PPP6R1: variants seen among roughly 807,000 people sequenced by gnomAD.
The protein encoded by PPP6R1 is serine/threonine-protein phosphatase 6 regulatory subunit 1.
A neutral mutation model predicts 104.6 loss-of-function variants in PPP6R1; 39 were observed. That is an observed-to-expected ratio of 0.37 (90% CI 0.29 to 0.49). The LOEUF is 0.49. PPP6R1 is among the 20% of genes least tolerant of loss of function. The pLI is 0.98. For missense variants in PPP6R1, 1,181 were observed against 1,155.8 expected (o/e 1.02, Z -0.32); for synonymous variants, 549 against 479.0 (o/e 1.15, Z -1.91).
At chr19:55,236,467 G>T in intron 17 of PPP6R1, 176 bp downstream of exon 17, 1 of 698,428 alleles carries the variant, frequency 1.4e-6, no homozygotes, top group Non-Finnish European at 2.2e-6. Flanking sequence ...ACCATGCTTG[G>T]CCTTGAATTA....
In PPP6R1 at chr19:55,232,072, C is replaced by T; in HGVS notation, c.2125+3G>A. On this transcript the variant is annotated splice_donor_region_variant and intron_variant, in intron 18 of 23. Transcript: ENST00000412770. ...CACCTGACCACACCGCCCATTCATT[C>T]ACCTGGAGGCTGAGGGCCAGGGCTG... The T allele has an allele frequency of 1.2e-6, 2 of 1,611,844 alleles. No homozygotes were observed. The highest frequency in any genetic ancestry group is 2.2e-5 in the East Asian group (1 of 44,820).
intron 1 of PPP6R1, among the ~76,000 whole-genome samples, chr19:55,247,834 A>C (rs2087523003): frequency 6.6e-6 from 1 of 152,204 alleles, no homozygotes. Flanking sequence ...AAAAGTTGGA[A>C]GGGAGGGGCT....
chr19:55,246,618 G>A (rs919858805), intron 2 of PPP6R1, among the ~76,000 whole-genome samples: 5 of 152,192 alleles, frequency 3.3e-5, no homozygotes, highest in African/African-American at 1.2e-4. Flanking sequence ...CAACTGAGGC[G>A]GGAGGATCAC....
Position 55,231,510 on chromosome 19 carries a change from C to G in PPP6R1, c.2378-19G>C. ...CAAGGGGCTGTGGGGGATAAGAGAT[C>G]TCAGCTGCAGCTCCCAGCAAGCTCG... On this transcript the variant is annotated intron_variant, in intron 20 of 23. Coordinates refer to ENST00000412770, the MANE Select transcript of PPP6R1 (RefSeq NM_014931.4). 1 of 1,601,500 alleles carries G rather than the reference C, an allele frequency of 6.2e-7. No individual in the cohort carries two copies. The highest frequency in any genetic ancestry group is 8.5e-7 in the Non-Finnish European group (1 of 1,173,626).
chr19:55,236,977 G>T lies in PPP6R1; in HGVS notation c.1752-7C>A. 6.2e-7 allele frequency: 1 copy of T among 1,608,150 alleles called. No homozygotes were observed. The highest frequency in any genetic ancestry group is 8.5e-7 in the Non-Finnish European group (1 of 1,174,598). ...TGTCTTGTCAAAAGGTGCGCTAGGA[G>T]AGAAGGCAAGGCATGGTGAGAAGGT... is the stretch of plus-strand genomic sequence containing the variant. On this transcript the variant is annotated splice_region_variant and splice_polypyrimidine_tract_variant and intron_variant, in intron 15 of 23. Transcript: ENST00000412770.
intron 1 of PPP6R1, among the ~76,000 whole-genome samples, chr19:55,255,125 C>T (rs1239366903): frequency 3.3e-5 from 5 of 152,198 alleles, no homozygotes; most frequent in African/African-American, 1.2e-4. Context: ...ACCCTCAGTG[C>T]CTCCCCCTCT....
At chr19:55,233,051 A>G (rs1351965138) in intron 17 of PPP6R1, 1 of 152,214 alleles carries the variant, frequency 6.6e-6, no homozygotes, top group African/African-American at 2.4e-5. Flanking sequence ...TAACAATGGT[A>G]AATGTTTGTG....
intron 17 of PPP6R1, among the ~76,000 whole-genome samples, chr19:55,234,239 G>A (rs1438401021): frequency 6.6e-6 from 1 of 152,088 alleles, no homozygotes; most frequent in East Asian, 1.9e-4. Flanking sequence ...GAGCCACCGT[G>A]CCCAACAAAC....
rs1302467516 is a variant in PPP6R1 at position 55,258,765 on chromosome 19, G to C, written c.-337C>G. ...GAGGCGGGTTGGCGAGCCGGGTCGCGAGGCCCACGCAGGCGCCTCAGCCGG... is the reference window on the plus strand; with the variant it reads ...GAGGCGGGTTGGCGAGCCGGGTCGCCAGGCCCACGCAGGCGCCTCAGCCGG... On this transcript the variant is annotated 5_prime_UTR_variant, in exon 1 of 24. Coordinates refer to ENST00000412770, the MANE Select transcript of PPP6R1 (RefSeq NM_014931.4). 1.3e-5 allele frequency: 2 copies of C among 152,080 alleles called. No homozygotes were observed. Among genetic ancestry groups the C allele is most frequent in the East Asian group, 1.9e-4 (1 of 5,150 alleles). The allele number at this position is 152,080 out of a possible 1,614,324, so 9.4% of individuals were successfully genotyped here.
In PPP6R1 at chr19:55,244,820, C is replaced by CTA. The variant is rs367941394; in HGVS notation, c.618+298_618+299dup. ...AGTGCAGTGGTGTGATCATGACTCACTATAGCCTTGACCTCCCGGCTCAAG... is the reference window on the plus strand; with the variant it reads ...AGTGCAGTGGTGTGATCATGACTCACTATATAGCCTTGACCTCCCGGCTCAAG... On this transcript the variant is annotated intron_variant, in intron 5 of 23. Transcript: ENST00000412770. 3.3e-3 allele frequency among the ~76,000 whole-genome samples: 504 copies of CTA among 151,958 alleles called. 3 individuals carry two copies. The highest frequency in any genetic ancestry group is 0.012 in the African/African-American group (485 of 41,414).
intron 1 of PPP6R1, among the ~76,000 whole-genome samples, chr19:55,247,687 G>C (rs1021022169): frequency 6.6e-6 from 1 of 152,208 alleles, no homozygotes; most frequent in Non-Finnish European, 1.5e-5. Context: ...GGCTACGTGG[G>C]AGGCATGGGG....
At position 55,230,593 on chromosome 19, in the gene PPP6R1, G is replaced by C. The variant is rs28678477; in HGVS notation, c.2642+20C>G. 760,514 of 1,611,806 alleles carry C rather than the reference G, an allele frequency of 0.47. 181,883 individuals are homozygous for C. The highest frequency in any genetic ancestry group is 0.58 in the African/African-American group (43,743 of 74,946). ...AGGCCCAGCCCCACCTACCCAGCCC[G>C]AGGCTGCAGCCACACTCACTGGGAG... On this transcript the variant is annotated intron_variant, in intron 23 of 23. Transcript: ENST00000412770.
Position 55,240,269 on chromosome 19 carries a change from A to G in PPP6R1, c.1328T>C (p.Ile443Thr). The G allele has an allele frequency of 6.3e-7, 1 of 1,595,042 alleles. No homozygotes were observed. The highest frequency in any genetic ancestry group is 1.7e-5 in the Admixed American group (1 of 57,738). The change falls in exon 11 of 24, where the codon ATC becomes ACC. Residue 443 changes from isoleucine (I) to threonine (T), a missense_variant. Physicochemically the swap from Ile to Thr is moderately conservative, Grantham distance 89. Around this residue, in one of 2 missense-constraint regions of PPP6R1, gnomAD observed 1,042 missense variants for 955.6 expected, o/e 1.09. Coordinates refer to ENST00000412770, the MANE Select transcript of PPP6R1 (RefSeq NM_014931.4). Reference protein sequence around the residue: ...LLQQCRLVERILTSWEENDRV... With the variant: ...LLQQCRLVERTLTSWEENDRV... The stretch of plus-strand genomic sequence containing the variant: ...GTCGTTCTCCTCCCAGGACGTCAGG[A>G]TCCGCTCCACCAGGCGGCACTGCTG...
At position 55,258,703 on chromosome 19, in the gene PPP6R1, A is replaced by G. The variant is rs1177097652; in HGVS notation, c.-275T>C. ...GGGGGCGTCACTAGTCCGCGTAGGC[A>G]CCTCCGGGGTCCGCAGGCGAGGTGG... is the stretch of plus-strand genomic sequence containing the variant. On this transcript the variant is annotated 5_prime_UTR_variant, in exon 1 of 24. Transcript: ENST00000412770. 1 of 149,526 alleles carries G rather than the reference A, an allele frequency of 6.7e-6. No individual in the cohort carries two copies. The highest frequency in any genetic ancestry group is 1.5e-5 in the Non-Finnish European group (1 of 67,370). The allele number at this position is 149,526 out of a possible 1,614,324, so 9.3% of individuals were successfully genotyped here.
chr19:55,236,425 G>C, intron 17 of PPP6R1: 2 of 561,594 alleles, frequency 3.6e-6, no homozygotes, highest in Non-Finnish European at 6.0e-6. Context: ...CAAAGTACTG[G>C]GATTACAGGC....
chr19:55,229,438 C>T (rs1455904687), downstream of PPP6R1: 1 of 152,564 alleles, frequency 6.6e-6, no homozygotes, highest in Non-Finnish European at 1.5e-5. Context: ...ACGCAGCCTA[C>T]ACTTCTACCT....
chr19:55,241,326 C>G lies in PPP6R1; in HGVS notation c.1074G>C (p.Val358=). Residue 358 remains valine (V), a synonymous_variant, in exon 9 of 24, where the codon GTG becomes GTC. Transcript: ENST00000412770. The surrounding 1 kb of genome is among the most constrained non-coding windows in gnomAD (Gnocchi z 5.4). ...TCAGGGCACTGGCCAGGAGCTTGAC[C>G]ACGTGCAGCCGCGTGTTGCCCAGAG... The part of the protein sequence containing the change: ...APPLGNTRLH[V]VKLLASALSA... 6.2e-7 allele frequency: 1 copy of G among 1,611,830 alleles called. No individual in the cohort carries two copies. The highest frequency in any genetic ancestry group is 8.5e-7 in the Non-Finnish European group (1 of 1,179,756).
At position 55,239,577 on chromosome 19, in the gene PPP6R1, C is replaced by T. The variant is rs962250804; in HGVS notation, c.1653+17G>A. ...TCCAGCATAGCCCAGCACAGCCCCACATAGCCCCACGCCCACCTGCTGCAG... is the reference window on the plus strand; with the variant it reads ...TCCAGCATAGCCCAGCACAGCCCCATATAGCCCCACGCCCACCTGCTGCAG... On this transcript the variant is annotated intron_variant, in intron 14 of 23. Coordinates refer to ENST00000412770, the MANE Select transcript of PPP6R1 (RefSeq NM_014931.4). The T allele has an allele frequency of 6.2e-7, 1 of 1,610,184 alleles. No homozygotes were observed. Among genetic ancestry groups the T allele is most frequent in the African/African-American group, 1.3e-5 (1 of 74,818 alleles).
chr19:55,247,654 G>C (rs1302068138), intron 1 of PPP6R1, among the ~76,000 whole-genome samples: 1 of 152,214 alleles, frequency 6.6e-6, no homozygotes, highest in African/African-American at 2.4e-5. Context: ...CACGGCTGCT[G>C]CTTGGCCCAG....
Sources: allele counts gnomAD v4.1 joint callset (sites outside exome capture counted in the v4.1 genomes callset), GRCh38; gene constraint gnomAD v4.1.1; regional missense constraint gnomAD v4.1.1; non-coding constraint Gnocchi (gnomAD v3.1); transcripts MANE v1.5; gene names NCBI Gene and HGNC (gene_info 2026-07-23, HGNC 2026-07-21).